The following KIF13A variants were observed in gnomAD, a reference collection of about 807,000 sequenced individuals.
KIF13A encodes kinesin family member 13A.
KIF13A carries 79 observed loss-of-function variants against 212.2 expected under a neutral mutation model. The ratio of observed to expected loss-of-function variants is 0.37; its 90% confidence interval spans 0.31 to 0.45. The LOEUF (loss-of-function observed/expected upper bound fraction) is 0.45. KIF13A is among the 20% of genes least tolerant of loss of function. The pLI, the probability that KIF13A is intolerant of heterozygous loss-of-function variation, is 1.00. For synonymous variants in KIF13A, 789 were observed against 808.6 expected, an observed-to-expected ratio of 0.98 and a Z score of 0.41; for missense variants, 1,901 against 2,209.0, an observed-to-expected ratio of 0.86 and a Z score of 2.79.
chr6:17,950,133 T>C (rs572974141), intron 2 of KIF13A, among the ~76,000 whole-genome samples: 1 of 152,214 alleles, frequency 6.6e-6, no homozygotes, highest in Non-Finnish European at 1.5e-5. Context: ...CTGCTCTAAT[T>C]GTTTAACTTA....
In KIF13A at chr6:17,913,857, T is replaced by C. The variant is rs559801115; in HGVS notation, c.147-15677A>G. ...AAACCAACTTTCAGGGAAGTGGTTA[T>C]TACCTGGATGGAATCTGGAAACACC... On this transcript the variant is annotated intron_variant, in intron 2 of 38. Transcript: ENST00000259711. Among the ~76,000 whole-genome samples, 494 of 152,248 alleles carry C rather than the reference T, an allele frequency of 3.2e-3. 2 individuals carry two copies. Among genetic ancestry groups the C allele is most frequent in the African/African-American group, 0.012 (480 of 41,544 alleles).
In KIF13A at chr6:17,811,818, C is replaced by T. The variant is rs76461575; in HGVS notation, c.2001-2888G>A. Among the ~76,000 whole-genome samples the T allele has an allele frequency of 0.051, 7,749 of 151,206 alleles. 507 individuals are homozygous for T. The highest frequency in any genetic ancestry group is 0.15 in the African/African-American group (6,290 of 41,126). Reference sequence around the variant, plus strand: ...TTTTTTTTTCTTCCTTCCTTCCTTCCTTCTCTCCCTCCCTTTTTCTTTCTT... The same window carrying T: ...TTTTTTTTTCTTCCTTCCTTCCTTCTTTCTCTCCCTCCCTTTTTCTTTCTT... On this transcript the variant is annotated intron_variant, in intron 17 of 38. Coordinates refer to ENST00000259711, the MANE Select transcript of KIF13A (RefSeq NM_022113.6). The surrounding 1 kb of genome is among the most constrained non-coding windows in gnomAD (Gnocchi z 6.0).
rs901665407 is a variant in KIF13A, at chr6:17,914,623, G to A, written c.147-16443C>T. ...TCCTTCTGAAAAACAACACAGAGAC[G>A]ACTCTAGTCACGGGTCACAGGCATC... On this transcript the variant is annotated intron_variant, in intron 2 of 38. Coordinates refer to ENST00000259711, the MANE Select transcript of KIF13A (RefSeq NM_022113.6). The surrounding 1 kb of genome is among the most constrained non-coding windows in gnomAD (Gnocchi z 5.9). 2.0e-5 allele frequency among the ~76,000 whole-genome samples: 3 copies of A among 152,010 alleles called. No homozygotes were observed. Among genetic ancestry groups the A allele is most frequent in the South Asian group, 2.1e-4 (1 of 4,810 alleles).
chr6:17,839,533 A>C lies in KIF13A; in HGVS notation c.831-1950T>G, dbSNP rs1766307250. Among the ~76,000 whole-genome samples, 1 of 152,220 alleles carries C rather than the reference A, an allele frequency of 6.6e-6. No homozygotes were observed. The highest frequency in any genetic ancestry group is 1.5e-5 in the Non-Finnish European group (1 of 68,044). ...CGGATGAACCCTGGCAAATTATTTT[A>C]CGTGAAAGAAGCCAAACACAAAAGG... On this transcript the variant is annotated intron_variant, in intron 9 of 38. Coordinates refer to ENST00000259711, the MANE Select transcript of KIF13A (RefSeq NM_022113.6). This position sits in a 1 kb window ranked among gnomAD's most constrained non-coding sequence, Gnocchi z 4.3.
At chr6:17,945,697 A>T (rs551962149) in intron 2 of KIF13A, among the ~76,000 whole-genome samples, 4 of 152,214 alleles carry the variant, frequency 2.6e-5, no homozygotes, top group Admixed American at 6.5e-5. Flanking sequence ...ACATTGAACT[A>T]TGTGTCCAGT....
intron 3 of KIF13A, chr6:17,881,669 C>T (rs2150451764): frequency 2.9e-6 from 1 of 345,510 alleles, no homozygotes; most frequent in South Asian, 2.2e-5. Context: ...TGCACTCCAG[C>T]CTGGCGACAG....
chr6:17,948,580 T>TTTC (rs766779438), intron 2 of KIF13A, among the ~76,000 whole-genome samples: 12 of 147,126 alleles, frequency 8.2e-5, no homozygotes, highest in Non-Finnish European at 1.3e-4. Flanking sequence ...TTTTTTTTTT[T>TTTC]TGAGACAAGT....
chr6:17,896,691 G>C (rs1199430222), intron 3 of KIF13A, among the ~76,000 whole-genome samples: 2 of 152,290 alleles, frequency 1.3e-5, no homozygotes, highest in African/African-American at 4.8e-5. Flanking sequence ...GAACCACTAG[G>C]CTATATATAC....
chr6:17,911,866 G>A (rs556293837), intron 2 of KIF13A, among the ~76,000 whole-genome samples: 1 of 151,610 alleles, frequency 6.6e-6, no homozygotes, highest in Admixed American at 6.6e-5. Context: ...CCGGGTTCAA[G>A]CGATTCTCGT....
At chr6:17,788,175 T>C (rs755509092) in intron 26 of KIF13A, among the ~76,000 whole-genome samples, 10 of 152,094 alleles carry the variant, frequency 6.6e-5, no homozygotes, top group Non-Finnish European at 1.5e-4. Flanking sequence ...AGTGTATGTA[T>C]ATTTAAATCG....
At chr6:17,792,076 G>GC (rs1445749643) in intron 25 of KIF13A, among the ~76,000 whole-genome samples, 1 of 151,074 alleles carries the variant, frequency 6.6e-6, no homozygotes, top group African/African-American at 2.4e-5. Context: ...GTTGGCAGGT[G>GC]CCCGTAATCC....
chr6:17,842,959 T>C (rs1766670340), intron 9 of KIF13A, among the ~76,000 whole-genome samples: 1 of 152,284 alleles, frequency 6.6e-6, no homozygotes, highest in Admixed American at 6.5e-5. Flanking sequence ...GATGTACATA[T>C]TATCTGTATT....
chr6:17,836,226 T>C lies in KIF13A; in HGVS notation c.1155+652A>G, dbSNP rs562440154. Among the ~76,000 whole-genome samples the C allele has an allele frequency of 1.5e-3, 229 of 152,368 alleles. 3 individuals carry two copies. The highest frequency in any genetic ancestry group is 2.3e-3 in the Non-Finnish European group (158 of 68,036). ...AAAGATTTCTGAATTATTCCTAATG[T>C]TTAATTATCTTTGATCACGCCGTTT... On this transcript the variant is annotated intron_variant, in intron 11 of 38. Transcript: ENST00000259711.
intron 9 of KIF13A, among the ~76,000 whole-genome samples, chr6:17,844,981 T>G (rs1309550018): frequency 6.6e-6 from 1 of 152,208 alleles, no homozygotes; most frequent in Non-Finnish European, 1.5e-5. Flanking sequence ...TCCATTTTCA[T>G]GCTGCTGATA....
At chr6:17,779,197 C>A (rs1760261679) in intron 32 of KIF13A, 98 bp from the exon 33 acceptor site, 1 of 791,346 alleles carries the variant, frequency 1.3e-6, no homozygotes, top group Admixed American at 2.8e-5. Context: ...AGAATGAACA[C>A]ATTCTCCATT....
intron 9 of KIF13A, among the ~76,000 whole-genome samples, chr6:17,847,021 T>C (rs1767132928): frequency 6.6e-6 from 1 of 152,214 alleles, no homozygotes; most frequent in Non-Finnish European, 1.5e-5. Flanking sequence ...ACCCATGCCT[T>C]GATGCTGATG....
chr6:17,819,746 G>A (rs980500083), intron 16 of KIF13A, among the ~76,000 whole-genome samples: 6 of 151,760 alleles, frequency 4.0e-5, no homozygotes, highest in African/African-American at 1.5e-4. Flanking sequence ...TGAGAAATAT[G>A]GTAAAATTTT....
At chr6:17,805,998 C>A (rs1762914452) in intron 18 of KIF13A, among the ~76,000 whole-genome samples, 1 of 150,822 alleles carries the variant, frequency 6.6e-6, no homozygotes, top group South Asian at 2.1e-4. Context: ...TAGTGCACTG[C>A]AGCCTTGACC....
chr6:17,840,072 G>C (rs1766363710), intron 9 of KIF13A, among the ~76,000 whole-genome samples: 1 of 152,160 alleles, frequency 6.6e-6, no homozygotes, highest in African/African-American at 2.4e-5. Flanking sequence ...GTTGACTAGG[G>C]CTGTGGGTGG....
Sources: allele counts gnomAD v4.1 joint callset (sites outside exome capture counted in the v4.1 genomes callset), GRCh38; gene constraint gnomAD v4.1.1; non-coding constraint Gnocchi (gnomAD v3.1); transcripts MANE v1.5; gene names NCBI Gene and HGNC (gene_info 2026-07-23, HGNC 2026-07-21).